The following TXNL4A variants were observed in gnomAD, a reference collection of about 807,000 sequenced individuals.
TXNL4A encodes thioredoxin like 4A.
TXNL4A carries 17 observed loss-of-function variants against 14.6 expected under a neutral mutation model. That is an observed-to-expected ratio of 1.16 (90% confidence interval 0.80 to 1.74). The LOEUF (loss-of-function observed/expected upper bound fraction) is 1.74, where lower values mean the gene tolerates loss of function less well. Ranked by LOEUF, TXNL4A falls within the 40% of genes most tolerant of loss-of-function variation. The probability of loss-of-function intolerance (pLI) is 0.00; values close to 1 mark genes in which losing one functional copy is unlikely to be tolerated. For synonymous variants in TXNL4A, 83 were observed against 70.6 expected, an observed-to-expected ratio of 1.18 and a Z score of -0.88; for missense variants, 74 against 195.2, an observed-to-expected ratio of 0.38 and a Z score of 3.70.
chr18:79,991,986 G>A (rs1479817073), upstream of TXNL4A, among the ~76,000 whole-genome samples: 4 of 152,190 alleles, frequency 2.6e-5, no homozygotes, highest in Non-Finnish European at 4.4e-5. Context: ...CTGGAAAGGC[G>A]GGACAACTTG....
chr18:80,019,098 G>A (rs2051831672), intron 1 of TXNL4A, among the ~76,000 whole-genome samples: 1 of 152,128 alleles, frequency 6.6e-6, no homozygotes. Flanking sequence ...TCCAATCTCT[G>A]CCTGTTACCT....
intron 1 of TXNL4A, among the ~76,000 whole-genome samples, chr18:79,983,070 G>A (rs920586505): frequency 6.6e-6 from 1 of 151,972 alleles, no homozygotes; most frequent in African/African-American, 2.4e-5. Context: ...GCGTGATCTC[G>A]GCTCACTGCA....
rs1037329270 is a variant in TXNL4A at position 79,974,004 on chromosome 18, A to G, written c.258-148T>C. ...AAATCGAGAGTGTATGCCATGATGC[A>G]GGAGAATACAGGAAGCAGCTAAATG... is the stretch of plus-strand genomic sequence containing the variant. On this transcript the variant is annotated intron_variant, in intron 2 of 2. Coordinates refer to ENST00000269601, the MANE Select transcript of TXNL4A (RefSeq NM_006701.5). 6.8e-6 allele frequency: 7 copies of G among 1,028,888 alleles called. No individual in the cohort carries two copies. The East Asian group carries it at 1.8e-4, about 26-fold the overall frequency. The allele number at this position is 1,028,888 out of a possible 1,614,324, so 63.7% of individuals were successfully genotyped here. A position where few individuals can be genotyped will look rare whatever the true frequency, so the allele number is the denominator to read the frequency against.
Position 79,971,645 on chromosome 18 carries a change from T to G in TXNL4A, c.*2040A>C, listed in dbSNP as rs998927742. The stretch of plus-strand genomic sequence containing the variant: ...TGCACCCGGCCCATGTTTAACTTTT[T>G]GACGACCTGCCTGCCTGTGTTACCA... On this transcript the variant is annotated 3_prime_UTR_variant, in exon 3 of 3. Coordinates refer to ENST00000269601, the MANE Select transcript of TXNL4A (RefSeq NM_006701.5). The G allele has an allele frequency of 6.6e-6, 1 of 152,264 alleles. No homozygotes were observed. The highest frequency in any genetic ancestry group is 2.4e-5 in the African/African-American group (1 of 41,462). 9.4% of individuals were successfully genotyped at this position (152,264 alleles called of 1,614,324 possible). A position where few individuals can be genotyped will look rare whatever the true frequency, so the allele number is the denominator to read the frequency against.
chr18:80,006,831 T>G (rs1244201603), intron 1 of TXNL4A, among the ~76,000 whole-genome samples: 2 of 152,198 alleles, frequency 1.3e-5, no homozygotes, highest in Non-Finnish European at 2.9e-5. Context: ...GCACAGAGGA[T>G]TGGTTGGACC....
Position 79,973,271 on chromosome 18 carries a change from C to A in TXNL4A, c.*414G>T. 1 of 160,442 alleles carries A rather than the reference C, an allele frequency of 6.2e-6. No individual in the cohort carries two copies. The highest frequency in any genetic ancestry group is 1.4e-5 in the Non-Finnish European group (1 of 73,600). The allele number at this position is 160,442 out of a possible 1,614,324, so 9.9% of individuals were successfully genotyped here. ...CCCCTCACGGCCTCAGCAGTGACCC[C>A]CCACCCGCGACACCCTGATCTCAGA... On this transcript the variant is annotated 3_prime_UTR_variant, in exon 3 of 3. Transcript: ENST00000269601.
At chr18:79,993,084 T>C (rs1236108861), upstream of TXNL4A, among the ~76,000 whole-genome samples, 1 of 152,112 alleles carries the variant, frequency 6.6e-6, no homozygotes, top group East Asian at 1.9e-4. This position sits in a 1 kb window ranked among gnomAD's most constrained non-coding sequence, Gnocchi z 4.4. Flanking sequence ...CAGATAAGCC[T>C]CCTGGAATGA....
chr18:80,024,977 GAAA>G (rs1481005385), intron 1 of TXNL4A, among the ~76,000 whole-genome samples: 6 of 152,204 alleles, frequency 3.9e-5, no homozygotes, highest in African/African-American at 1.4e-4. Context: ...TTCCCCTTTA[GAAA>G]CTCTGGCTGG....
intron 1 of TXNL4A, among the ~76,000 whole-genome samples, chr18:80,021,606 C>T (rs565417667): frequency 5.9e-5 from 9 of 152,260 alleles, no homozygotes; most frequent in Non-Finnish European, 8.8e-5. Flanking sequence ...GCAAAGTATA[C>T]GGATTAGGAA....
In TXNL4A at chr18:79,984,444, T is replaced by C. The variant is rs868524709; in HGVS notation, c.153+3796A>G. Among the ~76,000 whole-genome samples the C allele has an allele frequency of 3.3e-5, 5 of 151,972 alleles. No individual in the cohort carries two copies. The South Asian group carries it at 1.0e-3, about 32-fold the overall frequency. On this transcript the variant is annotated intron_variant, in intron 1 of 2. Transcript: ENST00000269601. ...CACATCTCTACCAAAAATACAAAAATTAGCAGGGTGTGGTGGTGGTGCAGG... is the reference window on the plus strand; with the variant it reads ...CACATCTCTACCAAAAATACAAAAACTAGCAGGGTGTGGTGGTGGTGCAGG...
chr18:80,008,561 A>C (rs1041644957), intron 1 of TXNL4A, among the ~76,000 whole-genome samples: 1 of 151,998 alleles, frequency 6.6e-6, no homozygotes, highest in Non-Finnish European at 1.5e-5. Context: ...AATATTCATG[A>C]CATTCCCTTC....
upstream of TXNL4A, among the ~76,000 whole-genome samples, chr18:79,991,245 A>G (rs2051627014): frequency 6.6e-6 from 1 of 152,184 alleles, no homozygotes; most frequent in Non-Finnish European, 1.5e-5. Context: ...ATCACCCCGA[A>G]AAGAAAACCT....
chr18:80,015,673 C>T (rs2051803582), intron 1 of TXNL4A, among the ~76,000 whole-genome samples: 1 of 150,680 alleles, frequency 6.6e-6, no homozygotes, highest in African/African-American at 2.4e-5. Context: ...CATCCATGTC[C>T]CTACAAAGGA....
At chr18:80,024,998 C>G (rs2051875113) in intron 1 of TXNL4A, among the ~76,000 whole-genome samples, 1 of 152,160 alleles carries the variant, frequency 6.6e-6, no homozygotes, top group Admixed American at 6.5e-5. Context: ...TGGCTATATG[C>G]AAAGTACTTA....
chr18:80,024,346 A>G (rs1301632546), intron 1 of TXNL4A, among the ~76,000 whole-genome samples: 1 of 152,136 alleles, frequency 6.6e-6, no homozygotes, highest in Non-Finnish European at 1.5e-5. Flanking sequence ...AATTCTTTAA[A>G]TGACTAAAAT....
At chr18:80,032,152 C>T (rs1213411265) in intron 1 of TXNL4A, among the ~76,000 whole-genome samples, 1 of 151,872 alleles carries the variant, frequency 6.6e-6, no homozygotes, top group Non-Finnish European at 1.5e-5. Context: ...TTTTCCTTTC[C>T]TCCCTATTTT....
At chr18:79,987,210 C>A (rs2051564056) in intron 1 of TXNL4A, among the ~76,000 whole-genome samples, 1 of 152,318 alleles carries the variant, frequency 6.6e-6, no homozygotes, top group Admixed American at 6.5e-5. Flanking sequence ...CCAAGGGAGT[C>A]TTGTAATAAC....
At chr18:79,989,001 A>G (rs1011829595), upstream of TXNL4A, among the ~76,000 whole-genome samples, 6 of 152,226 alleles carry the variant, frequency 3.9e-5, no homozygotes, top group Non-Finnish European at 8.8e-5. Context: ...CGTTGTTGCC[A>G]TACCCAACCA....
intron 1 of TXNL4A, among the ~76,000 whole-genome samples, chr18:79,999,781 C>A (rs2145103245): frequency 6.6e-6 from 1 of 152,246 alleles, no homozygotes; most frequent in East Asian, 1.9e-4. Context: ...TTGTAGCTCC[C>A]ACAATTCTCA....
Sources: allele counts gnomAD v4.1 joint callset (sites outside exome capture counted in the v4.1 genomes callset), GRCh38; gene constraint gnomAD v4.1.1; non-coding constraint Gnocchi (gnomAD v3.1); transcripts MANE v1.5; gene names NCBI Gene and HGNC (gene_info 2026-07-23, HGNC 2026-07-21).